Variants in ROBO2 observed in about 807,000 individuals in gnomAD.
ROBO2 encodes the protein roundabout guidance receptor 2, also known as roundabout homolog 2.
Under a neutral mutation model 160.8 loss-of-function variants are expected in ROBO2, and 53 were observed. The observed-to-expected ratio is 0.33, with a 90% confidence interval of 0.26 to 0.41. ROBO2 has a LOEUF of 0.41. Among genes scored for constraint, ROBO2 ranks in the 10% least tolerant of loss-of-function variants. The pLI, the probability that ROBO2 is intolerant of heterozygous loss-of-function variation, is 1.00. For missense variants in ROBO2, 1,577 were observed against 1,722.4 expected, an observed-to-expected ratio of 0.92 and a Z score of 1.49; for synonymous variants, 664 against 611.7, an observed-to-expected ratio of 1.09 and a Z score of -1.26.
intron 2 of ROBO2, among the ~76,000 whole-genome samples, chr3:77,210,935 T>C (rs2084057493): frequency 6.6e-6 from 1 of 152,220 alleles, no homozygotes; most frequent in South Asian, 2.1e-4. Flanking sequence ...TTTTTATGGC[T>C]GCATAGTATT....
intron 2 of ROBO2, among the ~76,000 whole-genome samples, chr3:77,029,236 G>A (rs1047748775): frequency 3.3e-5 from 5 of 152,022 alleles, no homozygotes; most frequent in African/African-American, 7.2e-5. Flanking sequence ...AAGACTGTTT[G>A]GCTTCTGTCA....
chr3:76,612,985 A>C (rs1053415431), intron 2 of ROBO2, among the ~76,000 whole-genome samples: 2 of 151,910 alleles, frequency 1.3e-5, no homozygotes, highest in Non-Finnish European at 2.9e-5. Context: ...GGTGAAGTGC[A>C]TTTCTTGTAG....
At chr3:76,072,130 T>A (rs2068479404) in intron 2 of ROBO2, among the ~76,000 whole-genome samples, 1 of 152,178 alleles carries the variant, frequency 6.6e-6, no homozygotes, top group African/African-American at 2.4e-5. Context: ...TAGAAGTGTT[T>A]TGGTAGATTT....
chr3:76,675,432 A>C (rs984731572), intron 2 of ROBO2, among the ~76,000 whole-genome samples: 1 of 117,698 alleles, frequency 8.5e-6, no homozygotes, highest in Non-Finnish European at 1.8e-5. Context: ...CCCAGGGGGG[A>C]AAAAGAAACG....
chr3:76,752,585 A>G (rs2060738593), intron 2 of ROBO2, among the ~76,000 whole-genome samples: 1 of 150,638 alleles, frequency 6.6e-6, no homozygotes, highest in African/African-American at 2.4e-5. Flanking sequence ...CAGTCTCAGT[A>G]TTCATCCTTA....
intron 2 of ROBO2, among the ~76,000 whole-genome samples, chr3:77,203,573 G>A (rs1407156221): frequency 6.6e-6 from 1 of 152,166 alleles, no homozygotes; most frequent in Non-Finnish European, 1.5e-5. Context: ...CTCTGTAAAA[G>A]TTACTGAATC....
rs78625244 is a variant in ROBO2, at chr3:77,618,541, G to T, written c.3554+768G>T. Among the ~76,000 whole-genome samples, 1,503 of 152,088 alleles carry T rather than the reference G, an allele frequency of 9.9e-3. 29 individuals are homozygous for T. Among genetic ancestry groups the T allele is most frequent in the African/African-American group, 0.035 (1,433 of 41,494 alleles). On this transcript the variant is annotated intron_variant, in intron 22 of 25. Coordinates refer to ENST00000461745, the Ensembl canonical transcript of ROBO2. ...CAGGCTTTTATATCACTATTTTAAA[G>T]CTCCATGTCATACTCCAATTTTCTT...
intron 2 of ROBO2, among the ~76,000 whole-genome samples, chr3:77,117,859 T>C (rs1482521475): frequency 6.6e-6 from 1 of 152,204 alleles, no homozygotes; most frequent in Non-Finnish European, 1.5e-5. Flanking sequence ...AAAAATATTT[T>C]TGAAGCTAAA....
chr3:77,575,633 C>T (rs775731), intron 14 of ROBO2, among the ~76,000 whole-genome samples: 97,259 of 151,950 alleles, frequency 0.64, 31,494 homozygotes, highest in African/African-American at 0.74. Context: ...AATGCATATT[C>T]AAAAAGGCAT....
intron 2 of ROBO2, among the ~76,000 whole-genome samples, chr3:76,649,778 A>T (rs2091166149): frequency 6.6e-6 from 1 of 152,188 alleles, no homozygotes; most frequent in Non-Finnish European, 1.5e-5. Flanking sequence ...AATAGGTATC[A>T]GGGTTAGAAG....
intron 2 of ROBO2, among the ~76,000 whole-genome samples, chr3:76,756,893 A>G (rs1054724485): frequency 6.6e-6 from 1 of 151,852 alleles, no homozygotes; most frequent in Non-Finnish European, 1.5e-5. Context: ...ATTTATAAAC[A>G]CCAAACACAT....
chr3:76,192,984 A>G (rs948580678), intron 2 of ROBO2, among the ~76,000 whole-genome samples: 64 of 152,124 alleles, frequency 4.2e-4, no homozygotes, highest in South Asian at 1.0e-3. Context: ...TATGGTAAAT[A>G]AGTTCAGTTA....
intron 2 of ROBO2, among the ~76,000 whole-genome samples, chr3:76,897,696 G>C (rs1488480084): frequency 1.3e-5 from 2 of 148,688 alleles, no homozygotes; most frequent in Non-Finnish European, 3.0e-5. Context: ...ATTTATCCAG[G>C]ATAGAGTGGC....
chr3:77,244,129 G>T (rs955258213), intron 2 of ROBO2, among the ~76,000 whole-genome samples: 1 of 152,102 alleles, frequency 6.6e-6, no homozygotes, highest in Non-Finnish European at 1.5e-5. Flanking sequence ...AACATTTATT[G>T]AATTCCTGAT....
intron 2 of ROBO2, among the ~76,000 whole-genome samples, chr3:76,739,251 C>T (rs980713245): frequency 1.3e-5 from 2 of 151,992 alleles, no homozygotes; most frequent in Non-Finnish European, 2.9e-5. Flanking sequence ...CAATGATAGA[C>T]TGGATTAAGA....
chr3:76,450,067 T>G (rs889469738), intron 2 of ROBO2, among the ~76,000 whole-genome samples: 1 of 151,536 alleles, frequency 6.6e-6, no homozygotes, highest in Non-Finnish European at 1.5e-5. Context: ...TAACACCAGC[T>G]AATATAAACA....
chr3:76,655,742 GAGGAAAGAAGGAAGGAAGGA>G (rs1184263066), intron 2 of ROBO2, among the ~76,000 whole-genome samples: 79 of 140,646 alleles, frequency 5.6e-4, no homozygotes, highest in Middle Eastern at 7.1e-3. Flanking sequence ...GGGAGGGAGG[GAGGAAAGAAGGAAGGAAGGA>G]AGGAAAGAAG....
At chr3:76,037,491 G>A (rs1331656072) in intron 2 of ROBO2, among the ~76,000 whole-genome samples, 3 of 151,654 alleles carry the variant, frequency 2.0e-5, no homozygotes, top group Non-Finnish European at 2.9e-5. Context: ...TCCTGACCTC[G>A]TGATCTGCCC....
intron 2 of ROBO2, among the ~76,000 whole-genome samples, chr3:76,067,565 A>G (rs546369574): frequency 5.5e-4 from 84 of 152,260 alleles, no homozygotes; most frequent in African/African-American, 2.0e-3. Flanking sequence ...TTAAGTAGAA[A>G]AGGAATCTCT....
Sources: gnomAD v4.1 joint callset for allele counts (sites outside exome capture counted in the v4.1 genomes callset) on GRCh38, gnomAD v4.1.1 for gene constraint, MANE v1.5 for transcripts, NCBI Gene and HGNC (gene_info 2026-07-23, HGNC 2026-07-21) for gene names.